Variants in SIK2 observed in about 807,000 individuals in gnomAD.
The protein encoded by SIK2 is salt inducible kinase 2, also known as serine/threonine-protein kinase SIK2.
SIK2 carries 29 observed loss-of-function variants against 103.2 expected under a neutral mutation model. The observed-to-expected ratio is 0.28, with a 90% confidence interval of 0.21 to 0.38. The LOEUF is 0.38. Among genes scored for constraint, SIK2 ranks in the 10% least tolerant of loss-of-function variants. The probability of loss-of-function intolerance (pLI) is 1.00; values close to 1 mark genes in which losing one functional copy is unlikely to be tolerated. For synonymous variants in SIK2, 412 were observed against 446.1 expected (o/e 0.92, Z 0.96); for missense variants, 879 against 1,171.0 (o/e 0.75, Z 3.64).
intron 9 of SIK2, chr11:111,718,715 T>C (rs1025652867): frequency 1.3e-5 from 2 of 152,198 alleles, no homozygotes; most frequent in African/African-American, 2.4e-5. Context: ...TACATGAGCT[T>C]CTCCTGCTTC....
At chr11:111,644,870 T>C (rs1321577367) in intron 3 of SIK2, among the ~76,000 whole-genome samples, 1 of 152,238 alleles carries the variant, frequency 6.6e-6, no homozygotes, top group Non-Finnish European at 1.5e-5. Context: ...GTTGTCCTTC[T>C]GCTAAACTCC....
chr11:111,715,793 CTTTTT>C (rs535843069), intron 9 of SIK2, among the ~76,000 whole-genome samples: 4 of 81,580 alleles, frequency 4.9e-5, no homozygotes, highest in African/African-American at 2.0e-4. Flanking sequence ...TCATTTTTAG[CTTTTT>C]TTTTTTTTTT....
intron 3 of SIK2, among the ~76,000 whole-genome samples, chr11:111,667,234 C>T (rs535285864): frequency 6.6e-6 from 1 of 152,022 alleles, no homozygotes; most frequent in African/African-American, 2.4e-5. Context: ...CATGCCCGGC[C>T]GTAGTCATTA....
chr11:111,686,946 T>G (rs1467306513), intron 3 of SIK2, among the ~76,000 whole-genome samples: 4 of 152,240 alleles, frequency 2.6e-5, no homozygotes, highest in Non-Finnish European at 5.9e-5. Context: ...TCACCATATC[T>G]CATGTTACAG....
At chr11:111,675,551 C>T (rs1406500853) in intron 3 of SIK2, among the ~76,000 whole-genome samples, 1 of 152,198 alleles carries the variant, frequency 6.6e-6, no homozygotes, top group Non-Finnish European at 1.5e-5. Flanking sequence ...TTATTACTTA[C>T]TGTGTAGGAC....
chr11:111,696,843 A>C (rs1191755204), intron 4 of SIK2, among the ~76,000 whole-genome samples: 2 of 152,226 alleles, frequency 1.3e-5, no homozygotes, highest in African/African-American at 4.8e-5. Flanking sequence ...ATTTCATTTG[A>C]ATAAATGGCA....
At chr11:111,642,929 T>C (rs1942203950) in intron 3 of SIK2, among the ~76,000 whole-genome samples, 2 of 146,332 alleles carry the variant, frequency 1.4e-5, no homozygotes, top group African/African-American at 2.7e-5. Flanking sequence ...TATATTCTTA[T>C]TGTTGCAACT....
intron 3 of SIK2, among the ~76,000 whole-genome samples, chr11:111,639,636 G>T (rs184848553): frequency 6.6e-6 from 1 of 152,308 alleles, no homozygotes; most frequent in Non-Finnish European, 1.5e-5. Flanking sequence ...ATTTGCTGAA[G>T]TTGTTTTCTG....
intron 3 of SIK2, among the ~76,000 whole-genome samples, chr11:111,675,901 T>C (rs1332620457): frequency 6.6e-6 from 1 of 152,190 alleles, no homozygotes; most frequent in Non-Finnish European, 1.5e-5. Context: ...CTCACCCTCG[T>C]CCCACCCTCC....
rs1340631011 is a variant in SIK2 at position 111,722,624 on chromosome 11, C to T, written c.2056-41C>T. On this transcript the variant is annotated intron_variant, in intron 13 of 14. Coordinates refer to ENST00000304987, the MANE Select transcript of SIK2 (RefSeq NM_015191.3). This position sits in a 1 kb window ranked among gnomAD's most constrained non-coding sequence, Gnocchi z 4.4. ...CATCTGATGACTGCATCCTAGGTGA[C>T]AGCACATTGTCACGCTCATGTTGTT... The T allele has an allele frequency of 2.5e-6, 4 of 1,581,444 alleles. No individual in the cohort carries two copies. The highest frequency in any genetic ancestry group is 1.7e-4 in the Middle Eastern group (1 of 5,940).
At chr11:111,713,716 C>T (rs1000791200) in intron 9 of SIK2, among the ~76,000 whole-genome samples, 4 of 152,202 alleles carry the variant, frequency 2.6e-5, no homozygotes, top group African/African-American at 7.2e-5. Flanking sequence ...CGCCTGTAAT[C>T]GCAGCACTTT....
chr11:111,698,611 G>A (rs1373586929), intron 4 of SIK2, among the ~76,000 whole-genome samples: 2 of 152,218 alleles, frequency 1.3e-5, no homozygotes, highest in African/African-American at 4.8e-5. Context: ...GTGTGGTGGA[G>A]CACACCTGTG....
Position 111,709,240 on chromosome 11 carries a change from G to A in SIK2, c.1102-2971G>A, listed in dbSNP as rs117667474. Among the ~76,000 whole-genome samples the A allele has an allele frequency of 7.9e-5, 12 of 152,204 alleles. No individual in the cohort carries two copies. In the East Asian group the frequency reaches 2.3e-3, roughly 29 times the overall value. On this transcript the variant is annotated intron_variant, in intron 8 of 14. Transcript: ENST00000304987. ...GCAAGTGTGGAGAGAAAGATCTCTG[G>A]TGTCTCTCCCTCCTCTTATAAGGAT... is the stretch of plus-strand genomic sequence containing the variant.
chr11:111,678,537 C>T (rs1427390456), intron 3 of SIK2, among the ~76,000 whole-genome samples: 2 of 152,132 alleles, frequency 1.3e-5, no homozygotes, highest in African/African-American at 2.4e-5. Flanking sequence ...GCTCATCACT[C>T]TTATGTAACT....
At chr11:111,694,269 C>T (rs1231523843) in intron 4 of SIK2, among the ~76,000 whole-genome samples, 1 of 152,106 alleles carries the variant, frequency 6.6e-6, no homozygotes, top group Non-Finnish European at 1.5e-5. Flanking sequence ...CTTATTAATA[C>T]AAACCTTTTA....
chr11:111,644,476 G>A (rs1383375028), intron 3 of SIK2, among the ~76,000 whole-genome samples: 2 of 152,030 alleles, frequency 1.3e-5, no homozygotes, highest in South Asian at 2.1e-4. Context: ...CGTTTTCTGA[G>A]TGACTGCATC....
chr11:111,660,343 T>TCC (rs1942451396), intron 3 of SIK2, among the ~76,000 whole-genome samples: 3 of 152,006 alleles, frequency 2.0e-5, no homozygotes, highest in African/African-American at 7.2e-5. Context: ...ATGCACCGTG[T>TCC]ATAAGCTCTT....
chr11:111,671,645 T>G (rs1459852526), intron 3 of SIK2: 2 of 364,568 alleles, frequency 5.5e-6, no homozygotes, highest in Admixed American at 3.5e-5. Flanking sequence ...CTGTTGTCCA[T>G]GGACAGAACC....
At chr11:111,646,537 A>C (rs1449610876) in intron 3 of SIK2, among the ~76,000 whole-genome samples, 1 of 152,168 alleles carries the variant, frequency 6.6e-6, no homozygotes, top group East Asian at 1.9e-4. Flanking sequence ...CAATCAAGAC[A>C]GTGAATGTGT....
Sources: gnomAD v4.1 joint callset for allele counts (sites outside exome capture counted in the v4.1 genomes callset) on GRCh38, gnomAD v4.1.1 for gene constraint, Gnocchi (gnomAD v3.1) non-coding constraint, MANE v1.5 for transcripts, NCBI Gene and HGNC (gene_info 2026-07-23, HGNC 2026-07-21) for gene names.